SCAMP1: variants seen among roughly 807,000 people sequenced by gnomAD.
SCAMP1 encodes secretory carrier-associated membrane protein 1.
Under a neutral mutation model 41.8 loss-of-function variants are expected in SCAMP1, and 15 were observed. That is an observed-to-expected ratio of 0.36 (90% confidence interval 0.24 to 0.55). The LOEUF is 0.55. Among genes scored for constraint, SCAMP1 ranks in the 20% least tolerant of loss-of-function variants. The pLI, the probability that SCAMP1 is intolerant of heterozygous loss-of-function variation, is 0.86. For synonymous variants in SCAMP1, 135 were observed against 136.8 expected, an observed-to-expected ratio of 0.99 and a Z score of 0.09; for missense variants, 341 against 412.6, an observed-to-expected ratio of 0.83 and a Z score of 1.50.
intron 6 of SCAMP1, among the ~76,000 whole-genome samples, chr5:78,439,732 T>C (rs1480290836): frequency 1.3e-5 from 2 of 152,190 alleles, no homozygotes; most frequent in Non-Finnish European, 2.9e-5. Flanking sequence ...TGTGGCGTTC[T>C]CTGTATTTCA....
At chr5:78,401,949 T>C (rs1300186663) in intron 2 of SCAMP1, among the ~76,000 whole-genome samples, 1 of 152,170 alleles carries the variant, frequency 6.6e-6, no homozygotes, top group African/African-American at 2.4e-5. Flanking sequence ...TTATCAAATA[T>C]ATGCACTCAA....
intron 1 of SCAMP1, among the ~76,000 whole-genome samples, chr5:78,378,710 T>C (rs958202227): frequency 6.6e-5 from 10 of 152,236 alleles, no homozygotes; most frequent in African/African-American, 2.4e-5. Flanking sequence ...TGTAAAGATA[T>C]AACTCTAATG....
intron 1 of SCAMP1, among the ~76,000 whole-genome samples, chr5:78,381,116 G>A (rs1055944643): frequency 2.0e-5 from 3 of 152,166 alleles, no homozygotes; most frequent in Non-Finnish European, 4.4e-5. Flanking sequence ...TCTAATTGGG[G>A]GAAGAAAAGG....
chr5:78,463,152 A>G (rs1244162840), intron 8 of SCAMP1, among the ~76,000 whole-genome samples: 2 of 144,038 alleles, frequency 1.4e-5, no homozygotes, highest in Non-Finnish European at 2.9e-5. Flanking sequence ...TCTGCACCAA[A>G]CACACATACC....
chr5:78,381,812 C>T (rs754569221), intron 1 of SCAMP1, among the ~76,000 whole-genome samples: 7 of 152,128 alleles, frequency 4.6e-5, no homozygotes, highest in Non-Finnish European at 8.8e-5. Context: ...AAAGATGTTT[C>T]TCATATGAAT....
intron 6 of SCAMP1, among the ~76,000 whole-genome samples, chr5:78,428,340 C>G (rs1257289802): frequency 5.9e-5 from 9 of 152,094 alleles, no homozygotes; most frequent in Admixed American, 5.9e-4. Context: ...TTTTGTACTT[C>G]TGTTGAAAAA....
Position 78,427,744 on chromosome 5 carries a change from G to A in SCAMP1, c.632+5784G>A, listed in dbSNP as rs550394867. ...TTATTGCCATTTTAGTGGGTATGTA[G>A]TAGTATCTTGTGGCTTTAATTTGCA... is the stretch of plus-strand genomic sequence containing the variant. On this transcript the variant is annotated intron_variant, in intron 6 of 8. Transcript: ENST00000621999. Among the ~76,000 whole-genome samples the A allele has an allele frequency of 4.6e-5, 7 of 152,218 alleles. No homozygotes were observed. In the East Asian group the frequency reaches 1.2e-3, roughly 25 times the overall value.
At chr5:78,417,686 G>C (rs1450007129) in intron 4 of SCAMP1, among the ~76,000 whole-genome samples, 1 of 152,204 alleles carries the variant, frequency 6.6e-6, no homozygotes, top group African/African-American at 2.4e-5. Flanking sequence ...GCTCGGAGGA[G>C]AGAGTAAGTT....
chr5:78,452,980 C>T (rs1753279083), intron 7 of SCAMP1, among the ~76,000 whole-genome samples: 1 of 148,278 alleles, frequency 6.7e-6, no homozygotes, highest in African/African-American at 2.5e-5. Flanking sequence ...GCATAAATGT[C>T]TTCTTTTGAG....
At chr5:78,414,576 C>T (rs1382726135) in intron 2 of SCAMP1, among the ~76,000 whole-genome samples, 5 of 152,284 alleles carry the variant, frequency 3.3e-5, no homozygotes, top group East Asian at 1.9e-4. Context: ...ACACTGCGCC[C>T]GGCCAGCTTG....
intron 6 of SCAMP1, among the ~76,000 whole-genome samples, chr5:78,424,621 G>C (rs891967530): frequency 6.6e-6 from 1 of 151,986 alleles, no homozygotes; most frequent in Non-Finnish European, 1.5e-5. Context: ...ATCCCAGCTC[G>C]AGGCAGGAGA....
At chr5:78,448,097 C>T (rs1561280907) in intron 6 of SCAMP1, among the ~76,000 whole-genome samples, 2 of 36,510 alleles carry the variant, frequency 5.5e-5, no homozygotes, top group African/African-American at 2.7e-4. Context: ...TCCCCCTTCC[C>T]CCTACTCCAC....
Position 78,412,375 on chromosome 5 carries a change from CTTGTT to C in SCAMP1, c.136-3137_136-3133del, listed in dbSNP as rs528332082. On this transcript the variant is annotated intron_variant, in intron 2 of 8. Coordinates refer to ENST00000621999, the MANE Select transcript of SCAMP1 (RefSeq NM_004866.6). ...TAGTGTCTTTATAGTTGTTTTTTGT[CTTGTT>C]TTGTTTTTTTTTTAACATTCAATTT... Among the ~76,000 whole-genome samples, 13 of 150,954 alleles carry C rather than the reference CTTGTT, an allele frequency of 8.6e-5. No homozygotes were observed. The South Asian group carries it at 2.3e-3, about 27-fold the overall frequency.
Position 78,475,812 on chromosome 5 carries a change from A to C in SCAMP1, c.*144A>C. The C allele has an allele frequency of 1.9e-6, 1 of 534,392 alleles. No homozygotes were observed. Among genetic ancestry groups the C allele is most frequent in the Non-Finnish European group, 2.9e-6 (1 of 349,714 alleles). 33.1% of individuals were successfully genotyped at this position (534,392 alleles called of 1,614,324 possible). A position where few individuals can be genotyped will look rare whatever the true frequency, so the allele number is the denominator to read the frequency against. On this transcript the variant is annotated 3_prime_UTR_variant, in exon 9 of 9. Coordinates refer to ENST00000621999, the MANE Select transcript of SCAMP1 (RefSeq NM_004866.6). Reference sequence around the variant, plus strand: ...ACTTGTGCATGGGCTAAAACCAGGAAAACTTCCTTGTCTTATTACTTTACC... The same window carrying C: ...ACTTGTGCATGGGCTAAAACCAGGACAACTTCCTTGTCTTATTACTTTACC...
intron 6 of SCAMP1, among the ~76,000 whole-genome samples, chr5:78,422,574 A>C (rs906705306): frequency 6.6e-6 from 1 of 152,156 alleles, no homozygotes; most frequent in Non-Finnish European, 1.5e-5. Flanking sequence ...GGGGGAGAAA[A>C]AAAGAGCTCA....
intron 7 of SCAMP1, chr5:78,457,793 G>T (rs1434576188): frequency 6.2e-6 from 1 of 161,878 alleles, no homozygotes; most frequent in Admixed American, 6.5e-5. Context: ...CCTCGCTGCC[G>T]CCTTGCAGTT....
Position 78,479,483 on chromosome 5 carries a change from A to G in SCAMP1, c.*3815A>G, listed in dbSNP as rs1011260604. Among the ~76,000 whole-genome samples, 2 of 152,212 alleles carry G rather than the reference A, an allele frequency of 1.3e-5. No homozygotes were observed. Among genetic ancestry groups the G allele is most frequent in the African/African-American group, 4.8e-5 (2 of 41,460 alleles). On this transcript the variant is annotated 3_prime_UTR_variant, in exon 9 of 9. Transcript: ENST00000621999. ...AGTGAAGTATTTTGGCTAGAATTTTAGGGCATATTTTATAAAGCAGCATGC... is the reference window on the plus strand; with the variant it reads ...AGTGAAGTATTTTGGCTAGAATTTTGGGGCATATTTTATAAAGCAGCATGC...
chr5:78,368,043 A>G (rs1326680579), intron 1 of SCAMP1, among the ~76,000 whole-genome samples: 2 of 152,214 alleles, frequency 1.3e-5, no homozygotes, highest in South Asian at 2.1e-4. Flanking sequence ...TTGGGAGCCC[A>G]GAAGTTTCTA....
chr5:78,360,871 G>C (rs1750626234), intron 1 of SCAMP1, 143 bp downstream of exon 1: 7 of 777,322 alleles, frequency 9.0e-6, no homozygotes, highest in Non-Finnish European at 1.5e-5. Flanking sequence ...TCCTCCATTT[G>C]GGGTCGCGCC....
Sources: gnomAD v4.1 joint callset for allele counts (sites outside exome capture counted in the v4.1 genomes callset) on GRCh38, gnomAD v4.1.1 for gene constraint, MANE v1.5 for transcripts, NCBI Gene and HGNC (gene_info 2026-07-23, HGNC 2026-07-21) for gene names.